LYRM4: variants seen among roughly 807,000 people sequenced by gnomAD.
LYRM4 encodes the protein LYR motif containing 4.
LYRM4 carries 9 observed loss-of-function variants against 11.7 expected under a neutral mutation model. The ratio of observed to expected loss-of-function variants is 0.77; its 90% CI spans 0.46 to 1.34. The LOEUF is 1.34. Ranked by LOEUF, LYRM4 falls within the 40% of genes most tolerant of loss-of-function variation. The pLI is 0.00. For synonymous variants in LYRM4, 42 were observed against 40.4 expected, an observed-to-expected ratio of 1.04 and a Z score of -0.15; for missense variants, 133 against 112.5, an observed-to-expected ratio of 1.18 and a Z score of -0.82.
At chr6:5,218,481 T>C in intron 1 of LYRM4, 1 of 592,900 alleles carries the variant, frequency 1.7e-6, no homozygotes, top group East Asian at 1.4e-4. Context: ...AATTCAAATG[T>C]CAGGTCTATT....
At chr6:5,052,261 T>C in the LYRM4 span, among the ~76,000 whole-genome samples, 5 of 152,240 alleles carry the variant, frequency 3.3e-5, no homozygotes. Context: ...ACTTCCACTT[T>C]TTATTTTCTA....
At chr6:5,176,095 C>T (rs973537285) in intron 2 of LYRM4, among the ~76,000 whole-genome samples, 7 of 147,500 alleles carry the variant, frequency 4.7e-5, no homozygotes, top group African/African-American at 1.3e-4. Context: ...GACAGAGTCT[C>T]GCTCTATTGC....
At chr6:5,086,671 C>T in the LYRM4 span, 12 of 905,006 alleles carry the variant, frequency 1.3e-5, 1 homozygote, top group Middle Eastern at 3.1e-4. Context: ...GCGAGTCTGG[C>T]GTGAGGGGCG....
chr6:5,200,082 T>C (rs1456457797), intron 2 of LYRM4, among the ~76,000 whole-genome samples: 1 of 152,226 alleles, frequency 6.6e-6, no homozygotes, highest in East Asian at 1.9e-4. Context: ...GGTGTATGAC[T>C]TTCTTAATAA....
At chr6:5,163,692 C>A (rs989103865) in intron 2 of LYRM4, among the ~76,000 whole-genome samples, 1 of 150,138 alleles carries the variant, frequency 6.7e-6, no homozygotes, top group Non-Finnish European at 1.5e-5. Flanking sequence ...TGGCTCACTG[C>A]AACTTCTGCC....
chr6:5,085,741 TCC>T, the LYRM4 span: 1 of 1,541,100 alleles, frequency 6.5e-7, no homozygotes, highest in Non-Finnish European at 8.7e-7. Context: ...GCGCTCCTTT[TCC>T]TTGCCCGCCG....
intron 2 of LYRM4, among the ~76,000 whole-genome samples, chr6:5,162,244 A>G (rs1036335815): frequency 2.6e-5 from 4 of 152,232 alleles, no homozygotes; most frequent in African/African-American, 4.8e-5. Context: ...TTCAATCAGT[A>G]TGTATCAGAG....
intron 1 of LYRM4, among the ~76,000 whole-genome samples, chr6:5,254,868 G>A (rs1182598093): frequency 1.3e-5 from 2 of 152,114 alleles, no homozygotes; most frequent in African/African-American, 4.8e-5. Context: ...CTACTCTCAT[G>A]TTTTATTAAC....
intron 2 of LYRM4, 69 bp from the exon 3 acceptor site, chr6:5,109,560 C>T: frequency 1.4e-6 from 2 of 1,443,412 alleles, no homozygotes; most frequent in Non-Finnish European, 1.9e-6. Context: ...CCAGAAGGAA[C>T]ATTTCCTAAC....
intron 2 of LYRM4, among the ~76,000 whole-genome samples, chr6:5,143,731 GA>G (rs1473351601): frequency 6.6e-6 from 1 of 152,324 alleles, no homozygotes; most frequent in East Asian, 1.9e-4. Context: ...TACAGCAGAA[GA>G]ACCTGAGTGC....
At chr6:5,046,710 ATACCCAGGTGGAAGCTGT>A in the LYRM4 span, among the ~76,000 whole-genome samples, 1 of 152,184 alleles carries the variant, frequency 6.6e-6, no homozygotes, top group Non-Finnish European at 1.5e-5. Flanking sequence ...ATATGCCAAG[ATACCCAGGTGGAAGCTGT>A]AAGGTTTCTA....
chr6:5,065,842 C>G, the LYRM4 span: 1 of 291,512 alleles, frequency 3.4e-6, no homozygotes, highest in Non-Finnish European at 6.3e-6. Flanking sequence ...TAAGCACAAT[C>G]TTTGGAACAC....
At chr6:5,071,713 C>A in the LYRM4 span, among the ~76,000 whole-genome samples, 1 of 152,168 alleles carries the variant, frequency 6.6e-6, no homozygotes, top group African/African-American at 2.4e-5. Flanking sequence ...TCTCAGCTCA[C>A]TGCAGCCTCT....
At chr6:5,212,985 T>C (rs944376911) in intron 2 of LYRM4, among the ~76,000 whole-genome samples, 1 of 152,196 alleles carries the variant, frequency 6.6e-6, no homozygotes, top group Non-Finnish European at 1.5e-5. Flanking sequence ...CTAGAATCCC[T>C]CAGGGTTGCC....
intron 1 of LYRM4, among the ~76,000 whole-genome samples, chr6:5,234,384 G>C (rs1581568921): frequency 6.6e-6 from 1 of 152,232 alleles, no homozygotes; most frequent in South Asian, 2.1e-4. Context: ...GAGGCGCCAG[G>C]TGCCCTTAGG....
At chr6:5,249,431 T>C (rs1235809265) in intron 1 of LYRM4, among the ~76,000 whole-genome samples, 1 of 152,104 alleles carries the variant, frequency 6.6e-6, no homozygotes, top group African/African-American at 2.4e-5. Flanking sequence ...AAAAGAAAAT[T>C]AGGGGAAATT....
At chr6:5,177,883 C>T (rs1759812757) in intron 2 of LYRM4, among the ~76,000 whole-genome samples, 2 of 152,194 alleles carry the variant, frequency 1.3e-5, no homozygotes, top group Admixed American at 6.5e-5. Context: ...GCCTCACGCG[C>T]TCCTCAACAC....
At chr6:5,071,459 G>A in the LYRM4 span, among the ~76,000 whole-genome samples, 1 of 152,126 alleles carries the variant, frequency 6.6e-6, no homozygotes, top group Non-Finnish European at 1.5e-5. Context: ...GGACTCCGGT[G>A]GGGTGAGCAA....
intron 1 of LYRM4, among the ~76,000 whole-genome samples, chr6:5,253,453 G>C (rs1764523060): frequency 6.6e-6 from 1 of 151,296 alleles, no homozygotes; most frequent in South Asian, 2.1e-4. Context: ...ATGACTTGCT[G>C]TTTATGTTTA....
Sources: gnomAD v4.1 joint callset for allele counts (sites outside exome capture counted in the v4.1 genomes callset) on GRCh38, gnomAD v4.1.1 for gene constraint, MANE v1.5 for transcripts, NCBI Gene and HGNC (gene_info 2026-07-23, HGNC 2026-07-21) for gene names.